The following ZNF37A variants were observed in gnomAD, a reference collection of about 807,000 sequenced individuals.
ZNF37A encodes the protein zinc finger protein 37A, also known as zinc finger protein 37a (KOX 21).
Under a neutral mutation model 12.3 loss-of-function variants are expected in ZNF37A, and 10 were observed. The ratio of observed to expected loss-of-function variants is 0.82; its 90% confidence interval spans 0.50 to 1.38. The LOEUF (loss-of-function observed/expected upper bound fraction) is 1.38, where lower values mean the gene tolerates loss of function less well. ZNF37A is among the 40% of genes most tolerant of loss of function. The pLI is 0.00. For missense variants in ZNF37A, 580 were observed against 651.2 expected (o/e 0.89, Z 1.19); for synonymous variants, 207 against 223.0 (o/e 0.93, Z 0.64).
intron 4 of ZNF37A, 55 bp from the exon 5 acceptor site, chr10:38,096,519 G>A: frequency 3.0e-6 from 4 of 1,311,682 alleles, no homozygotes; most frequent in South Asian, 2.6e-5. Flanking sequence ...TGCCGGCTGC[G>A]AAGTGGACCT....
chr10:38,102,336 A>AT (rs887436584), intron 5 of ZNF37A, among the ~76,000 whole-genome samples: 1 of 151,286 alleles, frequency 6.6e-6, no homozygotes, highest in African/African-American at 2.4e-5. Context: ...CTTTGTATTC[A>AT]TTATTTACCT....
At chr10:38,115,963 A>C (rs1419437677) in intron 7 of ZNF37A, among the ~76,000 whole-genome samples, 1 of 151,928 alleles carries the variant, frequency 6.6e-6, no homozygotes, top group African/African-American at 2.4e-5. Context: ...GATCTCAGCT[A>C]CTGGGGAGCT....
chr10:38,104,361 G>A (rs1564919208), intron 5 of ZNF37A, among the ~76,000 whole-genome samples: 2 of 152,086 alleles, frequency 1.3e-5, no homozygotes, highest in African/African-American at 2.4e-5. Flanking sequence ...TACTGTCCAC[G>A]TTGGCACAGG....
At chr10:38,098,003 C>A (rs1206674720) in intron 5 of ZNF37A, among the ~76,000 whole-genome samples, 6 of 152,130 alleles carry the variant, frequency 3.9e-5, no homozygotes, top group Admixed American at 3.9e-4. Flanking sequence ...CCCCTAGCAA[C>A]CAATAATCTC....
chr10:38,114,675 T>G, intron 5 of ZNF37A, 80 bp from the exon 6 acceptor site: 3 of 1,572,616 alleles, frequency 1.9e-6, no homozygotes, highest in Non-Finnish European at 2.6e-6. Context: ...ATAAAAATGG[T>G]AAGAATTAGT....
intron 5 of ZNF37A, among the ~76,000 whole-genome samples, chr10:38,105,644 C>T (rs2068002287): frequency 6.6e-6 from 1 of 152,184 alleles, no homozygotes; most frequent in Non-Finnish European, 1.5e-5. Flanking sequence ...TAATCACCTC[C>T]TAAAGGCCAT....
At chr10:38,116,784 G>A (rs2069301948) in intron 7 of ZNF37A, among the ~76,000 whole-genome samples, 1 of 152,090 alleles carries the variant, frequency 6.6e-6, no homozygotes, top group African/African-American at 2.4e-5. Flanking sequence ...TCTTATTGTT[G>A]CATACTTTTA....
At chr10:38,108,553 C>T (rs1219742961) in intron 5 of ZNF37A, among the ~76,000 whole-genome samples, 1 of 152,048 alleles carries the variant, frequency 6.6e-6, no homozygotes, top group African/African-American at 2.4e-5. Flanking sequence ...AATCCAGGAG[C>T]TGGTTTTTTG....
intron 5 of ZNF37A, among the ~76,000 whole-genome samples, chr10:38,103,407 T>A (rs1346127121): frequency 2.6e-5 from 4 of 152,202 alleles, no homozygotes; most frequent in African/African-American, 9.6e-5. Flanking sequence ...CTACTCTACA[T>A]TAATATTTTA....
At chr10:38,130,261 T>C (rs2070003733), downstream of ZNF37A, among the ~76,000 whole-genome samples, 1 of 152,216 alleles carries the variant, frequency 6.6e-6, no homozygotes, top group African/African-American at 2.4e-5. Context: ...CCATGATTTG[T>C]TTACCCATTC....
chr10:38,128,231 G>T (rs542836065), downstream of ZNF37A, among the ~76,000 whole-genome samples: 13 of 152,276 alleles, frequency 8.5e-5, no homozygotes, highest in African/African-American at 3.1e-4. Context: ...TGAGGAGGGG[G>T]TTAATATAAT....
intron 5 of ZNF37A, among the ~76,000 whole-genome samples, chr10:38,100,346 A>G (rs1242973103): frequency 1.2e-4 from 18 of 152,166 alleles, no homozygotes; most frequent in Admixed American, 1.2e-3. Flanking sequence ...ACCAAAATTT[A>G]TTAGGTGGGA....
intron 7 of ZNF37A, chr10:38,139,324 TG>T (rs1425803446): frequency 6.6e-6 from 1 of 152,154 alleles, no homozygotes; most frequent in East Asian, 1.9e-4. Context: ...ATCTGATTAT[TG>T]ATCACTGTGT....
At chr10:38,109,459 C>A (rs765661091) in intron 5 of ZNF37A, among the ~76,000 whole-genome samples, 6 of 152,170 alleles carry the variant, frequency 3.9e-5, no homozygotes, top group Non-Finnish European at 8.8e-5. Flanking sequence ...CTCACGACTC[C>A]TATTCAACAT....
chr10:38,112,802 T>TC (rs1554929974), intron 5 of ZNF37A, among the ~76,000 whole-genome samples: 1 of 69,084 alleles, frequency 1.4e-5, no homozygotes, highest in Non-Finnish European at 3.2e-5. Flanking sequence ...TTTCTTGTCT[T>TC]GTCTTGTCTT....
downstream of ZNF37A, among the ~76,000 whole-genome samples, chr10:38,130,057 G>A (rs1320794340): frequency 6.6e-6 from 1 of 151,946 alleles, no homozygotes; most frequent in Non-Finnish European, 1.5e-5. Context: ...CCTGTCCCTG[G>A]TCACTTCTAT....
chr10:38,130,970 T>C (rs534537666), intron 7 of ZNF37A, among the ~76,000 whole-genome samples: 1 of 152,364 alleles, frequency 6.6e-6, no homozygotes, highest in Admixed American at 6.5e-5. Flanking sequence ...AAGCATCTTT[T>C]CAAGTGCTTG....
Position 38,121,292 on chromosome 10 carries a change from C to T in ZNF37A, c.*2455C>T, listed in dbSNP as rs953438371. On this transcript the variant is annotated 3_prime_UTR_variant, in exon 8 of 8. Coordinates refer to ENST00000685332, the MANE Select transcript of ZNF37A (RefSeq NM_001324250.3). Reference sequence around the variant, plus strand: ...AAAATCCTAAAATTGAAAAAAACATCTAGCCATATCCATAAACTATATCAT... The same window carrying T: ...AAAATCCTAAAATTGAAAAAAACATTTAGCCATATCCATAAACTATATCAT... 4.6e-5 allele frequency: 7 copies of T among 152,056 alleles called. No individual in the cohort carries two copies. Among genetic ancestry groups the T allele is most frequent in the African/African-American group, 1.7e-4 (7 of 41,406 alleles). 9.4% of individuals were successfully genotyped at this position (152,056 alleles called of 1,614,324 possible).
exon 8 of ZNF37A, chr10:38,149,363 C>T (rs2070297812): frequency 6.6e-6 from 1 of 152,140 alleles, no homozygotes; most frequent in Admixed American, 6.5e-5. Context: ...ATGCAGAACC[C>T]AGCCTGCTAC....
Sources: allele counts gnomAD v4.1 joint callset (sites outside exome capture counted in the v4.1 genomes callset), GRCh38; gene constraint gnomAD v4.1.1; transcripts MANE v1.5; gene names NCBI Gene and HGNC (gene_info 2026-07-23, HGNC 2026-07-21).